Variants in RBM47 observed in about 807,000 individuals in gnomAD.
RBM47 encodes RNA binding motif protein 47.
A neutral mutation model predicts 47.1 loss-of-function variants in RBM47; 21 were observed. The observed-to-expected ratio is 0.45, with a 90% confidence interval of 0.32 to 0.64. RBM47 has a LOEUF of 0.64. Ranked by LOEUF, RBM47 falls within the 30% of genes least tolerant of loss-of-function variation. RBM47 has a pLI of 0.05. For synonymous variants in RBM47, 375 were observed against 361.7 expected, an observed-to-expected ratio of 1.04 and a Z score of -0.42; for missense variants, 708 against 870.9, an observed-to-expected ratio of 0.81 and a Z score of 2.35.
At chr4:40,488,017 GGAAA>G (rs1721348446) in intron 2 of RBM47, among the ~76,000 whole-genome samples, 2 of 148,740 alleles carry the variant, frequency 1.3e-5, no homozygotes, top group South Asian at 2.1e-4. Flanking sequence ...TAGGGGTGAG[GGAAA>G]GAAAGAAAGA....
At chr4:40,549,457 G>C (rs1334319003) in intron 1 of RBM47, among the ~76,000 whole-genome samples, 7 of 151,770 alleles carry the variant, frequency 4.6e-5, no homozygotes, top group Non-Finnish European at 1.0e-4. Flanking sequence ...ACTTCCCTTA[G>C]AGGGAGGATT....
chr4:40,493,603 G>A (rs1722188690), intron 2 of RBM47, among the ~76,000 whole-genome samples: 1 of 152,112 alleles, frequency 6.6e-6, no homozygotes, highest in Admixed American at 6.6e-5. Flanking sequence ...GGCCAACATG[G>A]TGAAACCCTG....
At chr4:40,512,045 GGTTT>G (rs1470511019) in intron 2 of RBM47, among the ~76,000 whole-genome samples, 4 of 152,136 alleles carry the variant, frequency 2.6e-5, no homozygotes, top group Admixed American at 1.3e-4. Context: ...GTCTAGAAAT[GGTTT>G]GTTTTTAGAT....
chr4:40,449,767 C>T (rs911423511), intron 3 of RBM47, among the ~76,000 whole-genome samples: 3 of 152,294 alleles, frequency 2.0e-5, no homozygotes, highest in South Asian at 2.1e-4. Context: ...AAGCCTCCAC[C>T]GCCCGGGTTC....
At chr4:40,554,999 G>A (rs775667076) in intron 1 of RBM47, among the ~76,000 whole-genome samples, 2 of 152,116 alleles carry the variant, frequency 1.3e-5, no homozygotes, top group African/African-American at 2.4e-5. Context: ...GCAATGGCGC[G>A]ATCTCGGCTC....
At chr4:40,432,940 T>G in intron 5 of RBM47, 78 bp from the exon 6 acceptor site, 1 of 1,519,898 alleles carries the variant, frequency 6.6e-7, no homozygotes, top group Non-Finnish European at 8.7e-7. Context: ...CTCTAAGATA[T>G]TTTTTATTTT....
rs1345318969 is a variant in RBM47 at position 40,432,713 on chromosome 4, C to T, written c.1480G>A (p.Ala494Thr). 2 of 1,611,580 alleles carry T rather than the reference C, an allele frequency of 1.2e-6. No homozygotes were observed. Among genetic ancestry groups the T allele is most frequent in the Non-Finnish European group, 8.5e-7 (1 of 1,179,408 alleles). ...PDPASAAAAA[A>T]AAAAAAAAVI... The stretch of plus-strand genomic sequence containing the variant: ...GCGGCTGCGGCGGCTGCGGCCGCGG[C>T]TGCGGCGGCAGCAGCACTGGCTGGG... The change falls in exon 6 of 7, where the codon GCC becomes ACC. Residue 494 changes from alanine (A) to threonine (T), a missense_variant. Coordinates refer to ENST00000295971, the MANE Select transcript of RBM47 (RefSeq NM_001098634.2).
intron 2 of RBM47, among the ~76,000 whole-genome samples, chr4:40,540,985 G>T (rs56707820): frequency 0.011 from 1,736 of 151,906 alleles, 37 homozygotes; most frequent in African/African-American, 0.039. Flanking sequence ...GTCAGGAAAT[G>T]ACCTGGACTT....
At chr4:40,440,625 A>C (rs1271704836) in intron 3 of RBM47, among the ~76,000 whole-genome samples, 5 of 152,232 alleles carry the variant, frequency 3.3e-5, no homozygotes, top group Non-Finnish European at 7.3e-5. Flanking sequence ...TTGCTCTAAT[A>C]TCAAGCGGCA....
chr4:40,468,353 A>ATTTTTCCT (rs1369570621), intron 2 of RBM47, among the ~76,000 whole-genome samples: 1 of 152,222 alleles, frequency 6.6e-6, no homozygotes, highest in Non-Finnish European at 1.5e-5. Context: ...CATTAAAAAA[A>ATTTTTCCT]AATTGTGTTT....
chr4:40,464,935 A>G, intron 3 of RBM47, among the ~76,000 whole-genome samples: 1 of 151,290 alleles, frequency 6.6e-6, no homozygotes, highest in African/African-American at 2.4e-5. Flanking sequence ...AAATTAAACA[A>G]CCAAACAAAA....
chr4:40,465,627 C>T (rs1036775376), intron 3 of RBM47, among the ~76,000 whole-genome samples: 11 of 151,178 alleles, frequency 7.3e-5, no homozygotes, highest in South Asian at 6.3e-4. Flanking sequence ...TGCAGTGAGC[C>T]GAGATCGTGC....
At chr4:40,593,707 C>T (rs1307929467) in intron 1 of RBM47, among the ~76,000 whole-genome samples, 2 of 152,022 alleles carry the variant, frequency 1.3e-5, no homozygotes, top group African/African-American at 2.4e-5. Context: ...GGTGAAACCC[C>T]GTCTCTACTA....
intron 2 of RBM47, among the ~76,000 whole-genome samples, chr4:40,520,921 AG>A (rs1560441969): frequency 6.6e-6 from 1 of 152,156 alleles, no homozygotes; most frequent in East Asian, 1.9e-4. Flanking sequence ...GAATGCTGAG[AG>A]GCTCCACGGT....
At chr4:40,527,289 A>ATTT (rs59625515) in intron 2 of RBM47, among the ~76,000 whole-genome samples, 4 of 138,870 alleles carry the variant, frequency 2.9e-5, no homozygotes, top group African/African-American at 7.9e-5. Flanking sequence ...CAACTGGCTA[A>ATTT]TTTTTTTTTT....
At position 40,552,883 on chromosome 4, in the gene RBM47, C is replaced by G. The variant is rs564638242; in HGVS notation, c.-239-8377G>C. The stretch of plus-strand genomic sequence containing the variant: ...CTTTCCCAGCCTTTACACCACCCCC[C>G]ATCCTAGCTCTCTCCCTGACTGAAT... On this transcript the variant is annotated intron_variant, in intron 1 of 6. Coordinates refer to ENST00000295971, the MANE Select transcript of RBM47 (RefSeq NM_001098634.2). Among the ~76,000 whole-genome samples, 64 of 152,368 alleles carry G rather than the reference C, an allele frequency of 4.2e-4. 4 individuals carry two copies. In the South Asian group the frequency reaches 0.013, roughly 31 times the overall value.
intron 2 of RBM47, among the ~76,000 whole-genome samples, chr4:40,483,295 G>T (rs1277247134): frequency 1.3e-5 from 2 of 152,128 alleles, no homozygotes; most frequent in Admixed American, 1.3e-4. Context: ...TTCAACAATG[G>T]CTATTGATCC....
At position 40,429,271 on chromosome 4, in the gene RBM47, G is replaced by A. The variant is rs185096569; in HGVS notation, c.1543-3128C>T. ...AACGAGGAGCACTAAAGGCCTTCCTGTAAATGAAAAGGGGAAAGTTCTCTA... is the reference window on the plus strand; with the variant it reads ...AACGAGGAGCACTAAAGGCCTTCCTATAAATGAAAAGGGGAAAGTTCTCTA... On this transcript the variant is annotated intron_variant, in intron 6 of 6. Transcript: ENST00000295971. 6.8e-3 allele frequency among the ~76,000 whole-genome samples: 1,029 copies of A among 152,084 alleles called. 17 individuals are homozygous for A. Among genetic ancestry groups the A allele is most frequent in the African/African-American group, 0.024 (1,000 of 41,488 alleles).
At chr4:40,517,297 G>A (rs1725697186) in intron 2 of RBM47, among the ~76,000 whole-genome samples, 1 of 152,094 alleles carries the variant, frequency 6.6e-6, no homozygotes, top group African/African-American at 2.4e-5. Context: ...ACCACACCTG[G>A]CTAATTTCTT....
Sources: gnomAD v4.1 joint callset for allele counts (sites outside exome capture counted in the v4.1 genomes callset) on GRCh38, gnomAD v4.1.1 for gene constraint, MANE v1.5 for transcripts, NCBI Gene and HGNC (gene_info 2026-07-23, HGNC 2026-07-21) for gene names.